MAK: variants seen among roughly 807,000 people sequenced by gnomAD.
The protein encoded by MAK is serine/threonine-protein kinase MAK.
A neutral mutation model predicts 82.6 loss-of-function variants in MAK; 65 were observed. That is an observed-to-expected ratio of 0.79 (90% CI 0.64 to 0.97). The LOEUF is 0.97. Ranked by LOEUF, MAK falls within the 50% of genes least tolerant of loss-of-function variation. MAK has a pLI of 0.00. For synonymous variants in MAK, 250 were observed against 274.2 expected (o/e 0.91, Z 0.87); for missense variants, 703 against 780.2 (o/e 0.90, Z 1.18).
chr6:10,775,557 G>T, intron 11 of MAK, 98 bp from the exon 12 acceptor site: 1 of 1,313,626 alleles, frequency 7.6e-7, no homozygotes, highest in Non-Finnish European at 1.1e-6. Flanking sequence ...AGACACCTTG[G>T]ACAGGAGAAT....
chr6:10,833,001 T>C (rs537874694), intron 1 of MAK, among the ~76,000 whole-genome samples: 3 of 152,362 alleles, frequency 2.0e-5, no homozygotes, highest in East Asian at 1.9e-4. Context: ...GAGGTGTGTA[T>C]GTAGTTTGTT....
At chr6:10,772,363 G>A (rs181522694) in intron 13 of MAK, among the ~76,000 whole-genome samples, 1 of 148,796 alleles carries the variant, frequency 6.7e-6, no homozygotes, top group East Asian at 2.0e-4. Flanking sequence ...TTATTTATTT[G>A]AGATGGAGTC....
chr6:10,823,741 G>A (rs1778134657), intron 2 of MAK, among the ~76,000 whole-genome samples: 1 of 151,804 alleles, frequency 6.6e-6, no homozygotes. Context: ...TGTTGGCCAG[G>A]CTGGTCTCAA....
Position 10,793,004 on chromosome 6 carries a change from G to A in MAK, c.1144-1157C>T, listed in dbSNP as rs1396151998. ...CACTGCTGAACAATATCAGTGATAT[G>A]CAAGAATCTGGTATGGCTGAGAAGA... On this transcript the variant is annotated intron_variant, in intron 9 of 14. Transcript: ENST00000354489. This position sits in a 1 kb window ranked among gnomAD's most constrained non-coding sequence, Gnocchi z 4.6. Among the ~76,000 whole-genome samples, 2 of 152,130 alleles carry A rather than the reference G, an allele frequency of 1.3e-5. No homozygotes were observed. The highest frequency in any genetic ancestry group is 4.8e-5 in the African/African-American group (2 of 41,430).
In MAK at chr6:10,830,824, A is replaced by C; in HGVS notation, c.-176T>G. On this transcript the variant is annotated 5_prime_UTR_variant, in exon 2 of 15. It introduces an in-frame stop codon into an upstream open reading frame of the 5' UTR. Coordinates refer to ENST00000354489, the MANE Select transcript of MAK (RefSeq NM_001242957.3). ...CCCCAAGATTACAGAGGTTCATGAG[A>C]TATAGCATGAAGGAATCGGGCAAGG... 2 of 659,294 alleles carry C rather than the reference A, an allele frequency of 3.0e-6. No homozygotes were observed. Among genetic ancestry groups the C allele is most frequent in the Non-Finnish European group, 5.6e-6 (2 of 359,740 alleles). The allele number at this position is 659,294 out of a possible 1,614,324, so 40.8% of individuals were successfully genotyped here.
chr6:10,770,047 CT>C, intron 14 of MAK, 63 bp downstream of exon 14: 2 of 1,613,358 alleles, frequency 1.2e-6, no homozygotes, highest in Non-Finnish European at 1.7e-6. Flanking sequence ...ACTGCATAAA[CT>C]TAAAAAGGAA....
At chr6:10,810,097 C>CAAAAAAAAAAAA (rs1289360594) in intron 5 of MAK, among the ~76,000 whole-genome samples, 1 of 36,042 alleles carries the variant, frequency 2.8e-5, no homozygotes, top group Admixed American at 2.4e-4. Flanking sequence ...GACACTGTCT[C>CAAAAAAAAAAAA]AAAAAAAAAA....
rs374501532 is a variant in MAK at position 10,765,523 on chromosome 6, G to A, written c.1793-917C>T. Among the ~76,000 whole-genome samples the A allele has an allele frequency of 6.1e-5, 9 of 147,552 alleles. No individual in the cohort carries two copies. The East Asian group carries it at 1.8e-3, about 29-fold the overall frequency. The stretch of plus-strand genomic sequence containing the variant: ...TGCCCAGGCTGGAGTGCAATGGTGC[G>A]ATCTCGGCTCACTGCAACCTCCACC... On this transcript the variant is annotated intron_variant, in intron 14 of 14. Transcript: ENST00000354489.
intron 13 of MAK, among the ~76,000 whole-genome samples, chr6:10,772,538 T>C (rs189141971): frequency 3.3e-5 from 5 of 151,552 alleles, no homozygotes; most frequent in Non-Finnish European, 7.4e-5. Context: ...GAGACACGGG[T>C]TTCATCATGT....
chr6:10,806,438 C>T (rs1253722895), intron 6 of MAK, among the ~76,000 whole-genome samples: 2 of 151,878 alleles, frequency 1.3e-5, no homozygotes, highest in Non-Finnish European at 2.9e-5. Context: ...ACGCCATTCT[C>T]CTGCCTCAGC....
At chr6:10,834,712 A>G (rs1368505657) in intron 1 of MAK, among the ~76,000 whole-genome samples, 3 of 152,216 alleles carry the variant, frequency 2.0e-5, no homozygotes, top group Non-Finnish European at 2.9e-5. Context: ...CAGTGAAGGG[A>G]AAGAGTGAGA....
intron 12 of MAK, among the ~76,000 whole-genome samples, chr6:10,774,119 T>G (rs530283522): frequency 6.6e-6 from 1 of 152,318 alleles, no homozygotes; most frequent in East Asian, 1.9e-4. Context: ...TCTTTATTTA[T>G]ACCTCAGCTT....
At chr6:10,836,193 G>A (rs536271910) in intron 1 of MAK, among the ~76,000 whole-genome samples, 6 of 152,196 alleles carry the variant, frequency 3.9e-5, no homozygotes, top group Non-Finnish European at 7.3e-5. Flanking sequence ...GTGGAGTGTT[G>A]AGGATTACGG....
chr6:10,775,166 C>G (rs1773355612), intron 12 of MAK, among the ~76,000 whole-genome samples, 162 bp downstream of exon 12: 1 of 152,142 alleles, frequency 6.6e-6, no homozygotes, highest in Non-Finnish European at 1.5e-5. Flanking sequence ...TCCATGACTG[C>G]TCCAGCAGAG....
At chr6:10,801,768 A>G in intron 8 of MAK, 124 bp downstream of exon 8, 1 of 853,618 alleles carries the variant, frequency 1.2e-6, no homozygotes, top group Non-Finnish European at 1.9e-6. Context: ...GATGCCTAGG[A>G]CTTTGTGTTT....
intron 4 of MAK, 34 bp from the exon 5 acceptor site, chr6:10,813,757 A>C (rs1315150937): frequency 8.1e-7 from 1 of 1,239,464 alleles, no homozygotes; most frequent in Admixed American, 1.7e-5. Flanking sequence ...TAATTCTGTT[A>C]AGCAACCAGC....
intron 9 of MAK, among the ~76,000 whole-genome samples, chr6:10,792,708 C>A (rs1183706604): frequency 6.6e-6 from 1 of 152,176 alleles, no homozygotes; most frequent in African/African-American, 2.4e-5. Flanking sequence ...TCAGAAAATA[C>A]ACCTATGTTG....
At chr6:10,768,836 A>G (rs951888746) in intron 14 of MAK, among the ~76,000 whole-genome samples, 2 of 152,218 alleles carry the variant, frequency 1.3e-5, no homozygotes, top group Non-Finnish European at 2.9e-5. Flanking sequence ...AACTTTAAAG[A>G]CTGGCACATC....
At position 10,796,064 on chromosome 6, in the gene MAK, T is replaced by C; in HGVS notation, c.1077A>G (p.Pro359=). 2 of 1,614,136 alleles carry C rather than the reference T, an allele frequency of 1.2e-6. No individual in the cohort carries two copies. Among genetic ancestry groups the C allele is most frequent in the Non-Finnish European group, 1.7e-6 (2 of 1,179,984 alleles). Residue 359 remains proline, a synonymous_variant, in exon 9 of 15, where the codon CCA becomes CCG. Transcript: ENST00000354489. The part of the protein sequence containing the change: ...PPQNLSVQQP[P]KQQSQEKPPQ... ...GCGGTTTCTCCTGACTCTGTTGCTT[T>C]GGAGGTTGCTGGACGCTCAGGTTCT...
Sources: allele counts gnomAD v4.1 joint callset (sites outside exome capture counted in the v4.1 genomes callset), GRCh38; gene constraint gnomAD v4.1.1; non-coding constraint Gnocchi (gnomAD v3.1); transcripts MANE v1.5; gene names NCBI Gene and HGNC (gene_info 2026-07-23, HGNC 2026-07-21).